Variants in LRRC4C observed in about 807,000 individuals in gnomAD.
LRRC4C encodes the protein leucine-rich repeat-containing protein 4C.
LRRC4C carries 5 observed loss-of-function variants against 33.6 expected under a neutral mutation model. The ratio of observed to expected loss-of-function variants is 0.15; its 90% confidence interval spans 0.08 to 0.31. LRRC4C has a LOEUF of 0.31. Ranked by LOEUF, LRRC4C falls within the 10% of genes least tolerant of loss-of-function variation. LRRC4C has a pLI of 1.00. For missense variants in LRRC4C, 560 were observed against 796.7 expected (o/e 0.70, Z 3.58); for synonymous variants, 329 against 302.0 (o/e 1.09, Z -0.93).
intron 3 of LRRC4C, among the ~76,000 whole-genome samples, chr11:40,504,334 G>T (rs971840287): frequency 2.6e-5 from 4 of 152,072 alleles, no homozygotes; most frequent in Admixed American, 6.6e-5. Flanking sequence ...GCCACTGGAG[G>T]GTGAAGTATA....
chr11:40,634,720 T>TAAAAA (rs56122866), intron 3 of LRRC4C, among the ~76,000 whole-genome samples: 8 of 145,846 alleles, frequency 5.5e-5, no homozygotes, highest in African/African-American at 1.8e-4. Flanking sequence ...AATAAGAAAA[T>TAAAAA]AAAAAAAAAA....
At chr11:40,575,391 G>GAA (rs58076584) in intron 3 of LRRC4C, among the ~76,000 whole-genome samples, 1 of 143,992 alleles carries the variant, frequency 6.9e-6, no homozygotes, top group African/African-American at 2.6e-5. Context: ...TTAATTTCAT[G>GAA]AAAAAAAAAA....
intron 3 of LRRC4C, among the ~76,000 whole-genome samples, chr11:40,618,812 G>C (rs1378403601): frequency 1.3e-5 from 2 of 151,726 alleles, no homozygotes; most frequent in South Asian, 2.1e-4. Flanking sequence ...CGACACTTCC[G>C]GTCTTTCAAG....
In LRRC4C at chr11:41,024,058, T is replaced by G. The variant is rs16935290; in HGVS notation, c.-495-90335A>C. 8.5e-3 allele frequency among the ~76,000 whole-genome samples: 1,285 copies of G among 151,700 alleles called. 23 individuals are homozygous for G. The highest frequency in any genetic ancestry group is 0.028 in the African/African-American group (1,176 of 41,476). On this transcript the variant is annotated intron_variant, in intron 1 of 6. Coordinates refer to ENST00000528697, the MANE Select transcript of LRRC4C (RefSeq NM_001258419.2). The stretch of plus-strand genomic sequence containing the variant: ...AGATCAATTCTTTAATAATTCAGTA[T>G]TTTGCTTGTGACTACCTTATCATCC...
intron 4 of LRRC4C, among the ~76,000 whole-genome samples, chr11:40,284,803 ATATGT>A (rs1355996238): frequency 1.3e-5 from 2 of 152,204 alleles, no homozygotes; most frequent in Non-Finnish European, 2.9e-5. Context: ...GTTAAAAAAA[ATATGT>A]TATGTTTTCA....
chr11:40,117,119 A>G (rs76323021), intron 6 of LRRC4C, among the ~76,000 whole-genome samples: 108 of 152,346 alleles, frequency 7.1e-4, no homozygotes, highest in Middle Eastern at 3.4e-3. Context: ...AGTATAAATC[A>G]GGGCTCAGAT....
At chr11:40,372,396 C>T (rs535211047) in intron 3 of LRRC4C, among the ~76,000 whole-genome samples, 1 of 152,242 alleles carries the variant, frequency 6.6e-6, no homozygotes, top group South Asian at 2.1e-4. Flanking sequence ...GTACACAAAC[C>T]TTCTCTAGAT....
intron 3 of LRRC4C, among the ~76,000 whole-genome samples, chr11:40,500,755 GCCAAC>G (rs1296440504): frequency 5.3e-5 from 8 of 151,994 alleles, no homozygotes; most frequent in African/African-American, 1.7e-4. Context: ...GGGACACAGA[GCCAAC>G]CCATATCATT....
chr11:40,345,307 G>GGCCACAGTA (rs1947074036), intron 3 of LRRC4C, among the ~76,000 whole-genome samples: 1 of 151,970 alleles, frequency 6.6e-6, no homozygotes, highest in Non-Finnish European at 1.5e-5. Flanking sequence ...TACACTACAA[G>GGCCACAGTA]GCCACAGTAA....
chr11:41,252,411 C>T (rs1948669513), intron 1 of LRRC4C, among the ~76,000 whole-genome samples: 1 of 151,980 alleles, frequency 6.6e-6, no homozygotes, highest in Non-Finnish European at 1.5e-5. Context: ...ATATTTACAG[C>T]CCAAAGGAGT....
At chr11:40,184,424 G>C (rs767559204) in intron 5 of LRRC4C, among the ~76,000 whole-genome samples, 1 of 152,118 alleles carries the variant, frequency 6.6e-6, no homozygotes, top group Non-Finnish European at 1.5e-5. Flanking sequence ...AATAAAAAAG[G>C]GTTTGTGGTC....
intron 3 of LRRC4C, among the ~76,000 whole-genome samples, chr11:40,450,859 A>T (rs924641191): frequency 1.3e-5 from 2 of 151,946 alleles, no homozygotes; most frequent in Non-Finnish European, 2.9e-5. Context: ...AAGAGAAAGA[A>T]ATTTTGGAAA....
chr11:40,220,999 C>T (rs1864373143), intron 5 of LRRC4C, among the ~76,000 whole-genome samples: 1 of 151,914 alleles, frequency 6.6e-6, no homozygotes, highest in African/African-American at 2.4e-5. Context: ...CCTCAGCCTC[C>T]CAAATAGCTG....
rs531326807 is a variant in LRRC4C, at chr11:40,417,660, T to C, written c.-269-97939A>G. ...AGCCACCATGCCTGGCCAAAACATG[T>C]AATTTCAAAGCACCAAATTCCTCAA... is the stretch of plus-strand genomic sequence containing the variant. On this transcript the variant is annotated intron_variant, in intron 3 of 6. Coordinates refer to ENST00000528697, the MANE Select transcript of LRRC4C (RefSeq NM_001258419.2). Among the ~76,000 whole-genome samples, 20 of 152,140 alleles carry C rather than the reference T, an allele frequency of 1.3e-4. No individual in the cohort carries two copies. The South Asian group carries it at 3.5e-3, about 27-fold the overall frequency.
At chr11:41,355,062 C>A (rs1220533080) in intron 1 of LRRC4C, among the ~76,000 whole-genome samples, 1 of 152,060 alleles carries the variant, frequency 6.6e-6, no homozygotes. Context: ...AGACAACCTA[C>A]AGAATAGGAG....
intron 5 of LRRC4C, among the ~76,000 whole-genome samples, chr11:40,153,626 C>T (rs1301409011): frequency 6.6e-6 from 1 of 151,220 alleles, no homozygotes; most frequent in South Asian, 2.1e-4. Flanking sequence ...TCTTTGGACA[C>T]ACTTTTAGAA....
At chr11:40,315,517 AAATT>A (rs1400352137) in intron 4 of LRRC4C, among the ~76,000 whole-genome samples, 6 of 151,972 alleles carry the variant, frequency 3.9e-5, no homozygotes, top group Non-Finnish European at 8.8e-5. Flanking sequence ...CAGAAATTTA[AAATT>A]AATATTATGA....
chr11:40,191,035 T>G (rs1356611796), intron 5 of LRRC4C, among the ~76,000 whole-genome samples: 1 of 152,154 alleles, frequency 6.6e-6, no homozygotes, highest in African/African-American at 2.4e-5. Flanking sequence ...CTACTACTAT[T>G]GAATATATTA....
intron 5 of LRRC4C, among the ~76,000 whole-genome samples, chr11:40,224,301 CAT>C (rs1244628241): frequency 6.6e-6 from 1 of 152,106 alleles, no homozygotes; most frequent in African/African-American, 2.4e-5. Context: ...TATCTTTTAT[CAT>C]GTGTGTGTTT....
Sources: gnomAD v4.1 joint callset for allele counts (sites outside exome capture counted in the v4.1 genomes callset) on GRCh38, gnomAD v4.1.1 for gene constraint, MANE v1.5 for transcripts, NCBI Gene and HGNC (gene_info 2026-07-23, HGNC 2026-07-21) for gene names.